The following SLAIN1 variants were observed in gnomAD, a reference collection of about 807,000 sequenced individuals.
The protein encoded by SLAIN1 is SLAIN family member 1.
Under a neutral mutation model 55.4 loss-of-function variants are expected in SLAIN1, and 17 were observed. The ratio of observed to expected loss-of-function variants is 0.31; its 90% CI spans 0.21 to 0.46. The LOEUF is 0.46. SLAIN1 is among the 20% of genes least tolerant of loss of function. The pLI, the probability that SLAIN1 is intolerant of heterozygous loss-of-function variation, is 1.00. For synonymous variants in SLAIN1, 348 were observed against 337.4 expected, an observed-to-expected ratio of 1.03 and a Z score of -0.35; for missense variants, 682 against 785.1, an observed-to-expected ratio of 0.87 and a Z score of 1.57.
At chr13:77,738,845 C>T (rs1316117437) in intron 2 of SLAIN1, among the ~76,000 whole-genome samples, 1 of 152,052 alleles carries the variant, frequency 6.6e-6, no homozygotes, top group East Asian at 1.9e-4. Context: ...TGCTACCAAA[C>T]GGCCCAAACA....
intron 2 of SLAIN1, chr13:77,741,337 A>G: frequency 1.0e-6 from 1 of 987,428 alleles, no homozygotes; most frequent in South Asian, 4.7e-5. Flanking sequence ...ATTAACCCCT[A>G]GTTTGTAGTG....
At chr13:77,734,997 G>A (rs1172987753) in intron 2 of SLAIN1, among the ~76,000 whole-genome samples, 4 of 151,906 alleles carry the variant, frequency 2.6e-5, no homozygotes, top group Non-Finnish European at 5.9e-5. Context: ...TCCAGCCTGG[G>A]TGTCAGAGTG....
chr13:77,701,455 TAA>T (rs1488341249), intron 1 of SLAIN1, among the ~76,000 whole-genome samples: 1 of 152,170 alleles, frequency 6.6e-6, no homozygotes, highest in Non-Finnish European at 1.5e-5. Flanking sequence ...GTTCATTAGT[TAA>T]TGATTAACCA....
At position 77,697,761 on chromosome 13, in the gene SLAIN1, G is replaced by A; in HGVS notation, c.-153G>A. The A allele has an allele frequency of 8.5e-6, 6 of 705,894 alleles. No individual in the cohort carries two copies. Among genetic ancestry groups the A allele is most frequent in the African/African-American group, 1.9e-5 (1 of 52,668 alleles). 43.7% of individuals were successfully genotyped at this position (705,894 alleles called of 1,614,324 possible). A position where few individuals can be genotyped will look rare whatever the true frequency, so the allele number is the denominator to read the frequency against. On this transcript the variant is annotated 5_prime_UTR_variant, in exon 1 of 7. The change creates a new upstream start codon in the 5' untranslated region. Transcript: ENST00000418532. The stretch of plus-strand genomic sequence containing the variant: ...TGCCGCGGCCGGAGGCGAGGGCCCG[G>A]TGCTGATGCGAACCGCCGGCTCGGC...
chr13:77,759,168 GTATTT>G (rs1438444516), intron 5 of SLAIN1, among the ~76,000 whole-genome samples: 5 of 152,058 alleles, frequency 3.3e-5, no homozygotes, highest in Admixed American at 2.6e-4. Context: ...ATATTTCTAA[GTATTT>G]TATTTTATTT....
intron 1 of SLAIN1, among the ~76,000 whole-genome samples, chr13:77,703,477 GT>G (rs1191509173): frequency 2.6e-5 from 4 of 152,082 alleles, no homozygotes; most frequent in Admixed American, 2.6e-4. Flanking sequence ...AATGTACAAT[GT>G]TTTCTAGGAG....
At chr13:77,718,741 C>T (rs1001524708) in intron 1 of SLAIN1, among the ~76,000 whole-genome samples, 7 of 152,042 alleles carry the variant, frequency 4.6e-5, no homozygotes, top group African/African-American at 1.7e-4. Flanking sequence ...TCACCCTCCC[C>T]CCTTTTTTAG....
rs546208566 is a variant in SLAIN1 at position 77,742,314 on chromosome 13, G to A, written c.767-1969G>A. Among the ~76,000 whole-genome samples, 4 of 152,032 alleles carry A rather than the reference G, an allele frequency of 2.6e-5. No homozygotes were observed. The South Asian group carries it at 8.3e-4, about 32-fold the overall frequency. Reference sequence around the variant, plus strand: ...AGCTAGTTATATAAATAATATGTATGTTTAATGCAGATAATTTGGAAGTTT... The same window carrying A: ...AGCTAGTTATATAAATAATATGTATATTTAATGCAGATAATTTGGAAGTTT... On this transcript the variant is annotated intron_variant, in intron 2 of 6. Transcript: ENST00000418532.
At chr13:77,753,120 T>C (rs548950940) in intron 4 of SLAIN1, 83 bp from the exon 5 acceptor site, 1 of 1,248,926 alleles carries the variant, frequency 8.0e-7, no homozygotes, top group South Asian at 1.7e-5. Context: ...GAGCACAATA[T>C]GACTTTTGTT....
At chr13:77,724,494 AGAGTTT>A (rs1213157257) in intron 2 of SLAIN1, among the ~76,000 whole-genome samples, 1 of 152,264 alleles carries the variant, frequency 6.6e-6, no homozygotes, top group African/African-American at 2.4e-5. Flanking sequence ...TGGCTTTATA[AGAGTTT>A]GAGTTTAACT....
chr13:77,710,413 A>T (rs1217171420), intron 1 of SLAIN1, among the ~76,000 whole-genome samples: 1 of 151,904 alleles, frequency 6.6e-6, no homozygotes, highest in Non-Finnish European at 1.5e-5. Context: ...AACAAAAAAA[A>T]ACAAAACAAA....
At chr13:77,751,321 G>A (rs1470802068) in intron 4 of SLAIN1, among the ~76,000 whole-genome samples, 1 of 151,806 alleles carries the variant, frequency 6.6e-6, no homozygotes, top group Non-Finnish European at 1.5e-5. Flanking sequence ...ATTTTATTTG[G>A]GAAAAAATTT....
chr13:77,722,089 T>TG (rs1365787157), intron 2 of SLAIN1, among the ~76,000 whole-genome samples: 2 of 151,786 alleles, frequency 1.3e-5, no homozygotes, highest in African/African-American at 2.4e-5. Context: ...CTTTCATTGA[T>TG]GTGGAGCTCA....
intron 1 of SLAIN1, among the ~76,000 whole-genome samples, chr13:77,717,457 G>T (rs78922939): frequency 3.3e-5 from 5 of 151,882 alleles, no homozygotes; most frequent in Non-Finnish European, 5.9e-5. Flanking sequence ...TTTCTTTGTG[G>T]GTAGTTTTTT....
intron 5 of SLAIN1, among the ~76,000 whole-genome samples, chr13:77,757,603 A>C (rs546634927): frequency 6.6e-6 from 1 of 152,110 alleles, no homozygotes; most frequent in South Asian, 2.1e-4. Flanking sequence ...CTTCCCCACA[A>C]GTCCCCAGAG....
At chr13:77,750,863 A>G (rs1304232652) in intron 4 of SLAIN1, among the ~76,000 whole-genome samples, 1 of 152,132 alleles carries the variant, frequency 6.6e-6, no homozygotes, top group Non-Finnish European at 1.5e-5. Flanking sequence ...TGAGTAAAAT[A>G]TTCTTTTGTG....
chr13:77,729,135 G>A (rs999658880), intron 2 of SLAIN1, among the ~76,000 whole-genome samples: 3 of 152,094 alleles, frequency 2.0e-5, no homozygotes, highest in Non-Finnish European at 4.4e-5. Flanking sequence ...CAATGATTTA[G>A]TACAGTAACA....
chr13:77,755,616 T>C (rs1467624056), intron 5 of SLAIN1, among the ~76,000 whole-genome samples: 1 of 152,058 alleles, frequency 6.6e-6, no homozygotes, highest in Non-Finnish European at 1.5e-5. Flanking sequence ...AGCCACAGAG[T>C]AAATAATTAT....
intron 1 of SLAIN1, among the ~76,000 whole-genome samples, chr13:77,708,596 C>T (rs967628767): frequency 2.6e-5 from 4 of 152,222 alleles, no homozygotes; most frequent in South Asian, 2.1e-4. Context: ...TCTGCAGCTA[C>T]TGCTGGTGAT....
Sources: allele counts gnomAD v4.1 joint callset (sites outside exome capture counted in the v4.1 genomes callset), GRCh38; gene constraint gnomAD v4.1.1; transcripts MANE v1.5; gene names NCBI Gene and HGNC (gene_info 2026-07-23, HGNC 2026-07-21).